Variants in ATP6V1H observed in about 807,000 individuals in gnomAD.
The protein encoded by ATP6V1H is ATPase H+ transporting V1 subunit H, also known as V-type proton ATPase subunit H.
In ATP6V1H, 39 loss-of-function variants were observed where a neutral mutation model predicts 71.7. The ratio of observed to expected loss-of-function variants is 0.54; its 90% CI spans 0.42 to 0.71. The LOEUF (loss-of-function observed/expected upper bound fraction) is 0.71. ATP6V1H is among the 30% of genes least tolerant of loss of function. ATP6V1H has a pLI of 0.00. For missense variants in ATP6V1H, 509 were observed against 594.9 expected, an observed-to-expected ratio of 0.86 and a Z score of 1.50; for synonymous variants, 192 against 199.3, an observed-to-expected ratio of 0.96 and a Z score of 0.31.
intron 7 of ATP6V1H, among the ~76,000 whole-genome samples, chr8:53,805,943 G>A (rs755895649): frequency 1.3e-5 from 2 of 152,142 alleles, no homozygotes; most frequent in Non-Finnish European, 2.9e-5. Flanking sequence ...ACTACTCTAT[G>A]GTAATAGATG....
intron 13 of ATP6V1H, among the ~76,000 whole-genome samples, chr8:53,720,107 T>C (rs1806564783): frequency 2.0e-5 from 3 of 152,358 alleles, no homozygotes; most frequent in East Asian, 1.9e-4. Context: ...TTTCAACTTA[T>C]AATTCAGTCA....
chr8:53,761,847 A>C (rs1205490854), intron 11 of ATP6V1H, among the ~76,000 whole-genome samples: 3 of 152,232 alleles, frequency 2.0e-5, no homozygotes, highest in Admixed American at 6.5e-5. Context: ...GGATTTCTTA[A>C]AAGTATAAAT....
intron 12 of ATP6V1H, among the ~76,000 whole-genome samples, chr8:53,748,066 G>A (rs1334889578): frequency 6.6e-6 from 1 of 151,932 alleles, no homozygotes; most frequent in Non-Finnish European, 1.5e-5. Flanking sequence ...GCTGAGGCAG[G>A]AGAACCGCTT....
chr8:53,808,717 C>T (rs1470116756), intron 7 of ATP6V1H, among the ~76,000 whole-genome samples: 1 of 151,582 alleles, frequency 6.6e-6, no homozygotes, highest in Non-Finnish European at 1.5e-5. Context: ...TGGAGGATCG[C>T]TTCAGCCTGG....
intron 2 of ATP6V1H, among the ~76,000 whole-genome samples, chr8:53,837,959 A>G (rs1462915922): frequency 6.6e-6 from 1 of 152,062 alleles, no homozygotes; most frequent in African/African-American, 2.4e-5. Flanking sequence ...GATGGCCCCA[A>G]GGTTTTTGGC....
chr8:53,719,489 T>C (rs1252888153), intron 13 of ATP6V1H, among the ~76,000 whole-genome samples: 2 of 152,186 alleles, frequency 1.3e-5, no homozygotes, highest in Admixed American at 6.5e-5. Flanking sequence ...CTCCCCTGAA[T>C]GTCGAATGAC....
intron 10 of ATP6V1H, among the ~76,000 whole-genome samples, chr8:53,769,958 T>C (rs946151081): frequency 2.5e-4 from 38 of 152,282 alleles, no homozygotes; most frequent in African/African-American, 8.9e-4. Context: ...AACCCTCCTG[T>C]CAAATTTGAA....
chr8:53,731,691 C>A (rs911519579), intron 13 of ATP6V1H, among the ~76,000 whole-genome samples: 4 of 152,242 alleles, frequency 2.6e-5, no homozygotes, highest in African/African-American at 9.6e-5. Flanking sequence ...AAGCCACTTC[C>A]TTCTTTAACC....
chr8:53,771,429 G>C (rs577631597), intron 10 of ATP6V1H, among the ~76,000 whole-genome samples: 12 of 152,264 alleles, frequency 7.9e-5, no homozygotes, highest in African/African-American at 2.4e-4. Context: ...TGGGTTGTAG[G>C]GGGCAGGCAG....
chr8:53,785,790 C>A (rs377100204), intron 9 of ATP6V1H, among the ~76,000 whole-genome samples: 1 of 151,794 alleles, frequency 6.6e-6, no homozygotes, highest in East Asian at 1.9e-4. Flanking sequence ...TGTTGGAGTT[C>A]GCTGGAGGTC....
chr8:53,811,645 G>C (rs375941293), intron 6 of ATP6V1H, among the ~76,000 whole-genome samples: 30 of 152,128 alleles, frequency 2.0e-4, no homozygotes, highest in African/African-American at 6.8e-4. Context: ...TATGTGACTT[G>C]GTTATCCACA....
intron 9 of ATP6V1H, among the ~76,000 whole-genome samples, chr8:53,784,597 T>C (rs1193996552): frequency 5.3e-5 from 8 of 152,248 alleles, no homozygotes; most frequent in Admixed American, 1.3e-4. Flanking sequence ...TAGCTGGTTA[T>C]TCTGCTCGTT....
At chr8:53,764,452 T>A (rs1808379625) in intron 11 of ATP6V1H, among the ~76,000 whole-genome samples, 1 of 152,088 alleles carries the variant, frequency 6.6e-6, no homozygotes, top group African/African-American at 2.4e-5. Flanking sequence ...TCAGGAAAAT[T>A]ATTTGACAAA....
At chr8:53,749,844 T>C (rs1219055767) in intron 12 of ATP6V1H, among the ~76,000 whole-genome samples, 2 of 152,190 alleles carry the variant, frequency 1.3e-5, no homozygotes, top group Non-Finnish European at 2.9e-5. Context: ...ACATTCATTA[T>C]GCCAGACTTG....
At chr8:53,791,880 G>A (rs774350779) in intron 9 of ATP6V1H, among the ~76,000 whole-genome samples, 2 of 152,134 alleles carry the variant, frequency 1.3e-5, no homozygotes, top group Non-Finnish European at 2.9e-5. Context: ...CTGTGTCCCC[G>A]AATAATTAGC....
Position 53,767,906 on chromosome 8 carries a change from A to C in ATP6V1H, c.1175+1712T>G, listed in dbSNP as rs187827092. Among the ~76,000 whole-genome samples, 9 of 152,344 alleles carry C rather than the reference A, an allele frequency of 5.9e-5. No individual in the cohort carries two copies. In the East Asian group the frequency reaches 1.7e-3, roughly 29 times the overall value. On this transcript the variant is annotated intron_variant, in intron 11 of 13. Coordinates refer to ENST00000359530, the MANE Select transcript of ATP6V1H (RefSeq NM_015941.4). Reference sequence around the variant, plus strand: ...TAAATCAGTTTTGGCAACAGACCAAAAGCATGAGAAACTAAGGAAACAACA... The same window carrying C: ...TAAATCAGTTTTGGCAACAGACCAACAGCATGAGAAACTAAGGAAACAACA...
At chr8:53,831,688 A>G (rs1239265254) in intron 3 of ATP6V1H, 1 of 151,974 alleles carries the variant, frequency 6.6e-6, no homozygotes, top group Non-Finnish European at 1.5e-5. Context: ...CTATCAAGAC[A>G]GCATTTTCAT....
intron 13 of ATP6V1H, among the ~76,000 whole-genome samples, chr8:53,723,581 T>C (rs1324982878): frequency 6.6e-6 from 1 of 152,218 alleles, no homozygotes; most frequent in Non-Finnish European, 1.5e-5. Context: ...TATGCATGTC[T>C]CCAACTTTAT....
intron 12 of ATP6V1H, among the ~76,000 whole-genome samples, chr8:53,747,906 C>T (rs913327707): frequency 2.0e-5 from 3 of 151,352 alleles, no homozygotes; most frequent in African/African-American, 4.9e-5. Context: ...GAGCTCACGC[C>T]TGTAATCCTA....
Sources: allele counts gnomAD v4.1 joint callset (sites outside exome capture counted in the v4.1 genomes callset), GRCh38; gene constraint gnomAD v4.1.1; transcripts MANE v1.5; gene names NCBI Gene and HGNC (gene_info 2026-07-23, HGNC 2026-07-21).